ZPBP: variants seen among roughly 807,000 people sequenced by gnomAD.
ZPBP encodes the protein zona pellucida binding protein, also known as zona pellucida-binding protein 1.
In ZPBP, 26 loss-of-function variants were observed where a neutral mutation model predicts 44.8. The ratio of observed to expected loss-of-function variants is 0.58; its 90% CI spans 0.43 to 0.81. The LOEUF is 0.81. ZPBP is among the 30% of genes least tolerant of loss of function. The probability of loss-of-function intolerance (pLI) is 0.00; values close to 1 mark genes in which losing one functional copy is unlikely to be tolerated. For synonymous variants in ZPBP, 174 were observed against 153.2 expected, an observed-to-expected ratio of 1.14 and a Z score of -1.00; for missense variants, 409 against 434.0, an observed-to-expected ratio of 0.94 and a Z score of 0.51.
At chr7:49,877,712 T>G (rs1392970262) in intron 2 of ZPBP, among the ~76,000 whole-genome samples, 1 of 150,120 alleles carries the variant, frequency 6.7e-6, no homozygotes, top group South Asian at 2.1e-4. Context: ...CATCTAGTCC[T>G]AACTTTTACA....
chr7:49,926,182 G>A (rs759457413), intron 1 of ZPBP, among the ~76,000 whole-genome samples: 9 of 152,162 alleles, frequency 5.9e-5, no homozygotes, highest in Non-Finnish European at 7.3e-5. Flanking sequence ...GGTGTTTAGC[G>A]ATGCTGGTGC....
intron 4 of ZPBP, among the ~76,000 whole-genome samples, chr7:50,047,339 G>A (rs1800422574): frequency 6.6e-6 from 1 of 151,884 alleles, no homozygotes; most frequent in South Asian, 2.1e-4. Flanking sequence ...AATATATCAT[G>A]CTTCCAGATC....
chr7:49,901,144 C>G (rs550160440), exon 2 of ZPBP: 1 of 151,970 alleles, frequency 6.6e-6, no homozygotes, highest in Admixed American at 6.5e-5. Context: ...GCTTTCCCAC[C>G]AGGATTAGGA....
intron 1 of ZPBP, among the ~76,000 whole-genome samples, chr7:49,909,122 C>A (rs1793262031): frequency 1.3e-5 from 2 of 152,142 alleles, no homozygotes; most frequent in South Asian, 4.1e-4. Context: ...TTAATTTAAT[C>A]AGTCCAAGAT....
chr7:49,925,798 C>G (rs1794215180), intron 1 of ZPBP, among the ~76,000 whole-genome samples: 1 of 152,252 alleles, frequency 6.6e-6, no homozygotes, highest in Admixed American at 6.5e-5. Context: ...ATTCTCCCCT[C>G]TCCACTGTCT....
chr7:49,879,651 C>T (rs895333963), intron 2 of ZPBP, among the ~76,000 whole-genome samples: 5 of 152,158 alleles, frequency 3.3e-5, no homozygotes, highest in African/African-American at 1.2e-4. Context: ...AACTGGAAGG[C>T]CTTGTACTGC....
intron 6 of ZPBP, among the ~76,000 whole-genome samples, chr7:50,010,907 G>GGAAAA (rs1798538684): frequency 2.2e-5 from 1 of 45,938 alleles, no homozygotes; most frequent in Non-Finnish European, 4.1e-5. Flanking sequence ...GCAAGACCAA[G>GGAAAA]CAAAAAAAAA....
rs1019094270 is a variant in ZPBP, at chr7:50,093,013, G to A, written c.127+55C>T. 8 of 1,569,820 alleles carry A rather than the reference G, an allele frequency of 5.1e-6. No homozygotes were observed. The African/African-American group carries it at 1.1e-4, about 22-fold the overall frequency. ...GACACAAGAAAAGGCAATTCGAAGA[G>A]TGGGGGAAGCTGCGGTTGTCCCTGC... On this transcript the variant is annotated intron_variant, in intron 1 of 7. Coordinates refer to ENST00000046087, the MANE Select transcript of ZPBP (RefSeq NM_007009.3).
intron 4 of ZPBP, 98 bp downstream of exon 4, chr7:50,057,891 A>G (rs1801044180): frequency 1.7e-6 from 2 of 1,171,050 alleles, no homozygotes; most frequent in African/African-American, 3.1e-5. Context: ...AAATGAGACT[A>G]AAAATAACAA....
intron 7 of ZPBP, among the ~76,000 whole-genome samples, chr7:49,940,358 G>GA (rs1346977171): frequency 6.6e-6 from 1 of 151,918 alleles, no homozygotes; most frequent in African/African-American, 2.4e-5. Flanking sequence ...AAATCAATTA[G>GA]AAAAACAAAT....
At chr7:49,877,657 G>A (rs1376769836) in intron 2 of ZPBP, among the ~76,000 whole-genome samples, 6 of 148,892 alleles carry the variant, frequency 4.0e-5, no homozygotes, top group Non-Finnish European at 8.9e-5. Context: ...TGATTTACCT[G>A]TTGTGGTACC....
intron 5 of ZPBP, among the ~76,000 whole-genome samples, chr7:50,018,601 T>G (rs902473129): frequency 6.6e-6 from 1 of 151,982 alleles, no homozygotes; most frequent in African/African-American, 2.4e-5. Flanking sequence ...TGTTTCAATT[T>G]TAATAACATA....
intron 4 of ZPBP, among the ~76,000 whole-genome samples, chr7:50,043,488 C>A (rs1800195867): frequency 6.6e-6 from 1 of 152,104 alleles, no homozygotes; most frequent in Non-Finnish European, 1.5e-5. Flanking sequence ...GAATGTTTGC[C>A]AAGCAAATGG....
At chr7:49,848,136 CCTGT>C, downstream of ZPBP, among the ~76,000 whole-genome samples, 1 of 152,214 alleles carries the variant, frequency 6.6e-6, no homozygotes, top group East Asian at 1.9e-4. Flanking sequence ...AGTGGGATGC[CCTGT>C]CTAACCAGTG....
chr7:50,070,422 C>G (rs1309127347), intron 3 of ZPBP, among the ~76,000 whole-genome samples: 2 of 152,248 alleles, frequency 1.3e-5, no homozygotes, highest in African/African-American at 4.8e-5. Context: ...TTCTGCTGCA[C>G]TGCCAGGCAG....
intron 7 of ZPBP, among the ~76,000 whole-genome samples, chr7:49,981,305 AATTATAT>A (rs1796869003): frequency 1.7e-5 from 1 of 58,130 alleles, no homozygotes; most frequent in Admixed American, 2.8e-4. Flanking sequence ...TATTATATAT[AATTATAT>A]ATTATATAAT....
At chr7:50,045,734 T>C (rs1800322333) in intron 4 of ZPBP, among the ~76,000 whole-genome samples, 1 of 152,170 alleles carries the variant, frequency 6.6e-6, no homozygotes, top group Non-Finnish European at 1.5e-5. Flanking sequence ...AAGTCATTTA[T>C]AGATTCAATG....
intron 2 of ZPBP, among the ~76,000 whole-genome samples, chr7:49,894,232 C>G (rs755614370): frequency 6.6e-6 from 1 of 152,212 alleles, no homozygotes; most frequent in Non-Finnish European, 1.5e-5. Context: ...TCACAGCTCA[C>G]CTCAGCCTCG....
intron 2 of ZPBP, among the ~76,000 whole-genome samples, chr7:49,887,226 C>T (rs991231822): frequency 6.6e-6 from 1 of 152,178 alleles, no homozygotes; most frequent in African/African-American, 2.4e-5. Flanking sequence ...TGTGGTCTAG[C>T]TCTGACACAC....
Sources: allele counts gnomAD v4.1 joint callset (sites outside exome capture counted in the v4.1 genomes callset), GRCh38; gene constraint gnomAD v4.1.1; transcripts MANE v1.5; gene names NCBI Gene and HGNC (gene_info 2026-07-23, HGNC 2026-07-21).